The following ADAMTS18 variants were observed in gnomAD, a reference collection of about 807,000 sequenced individuals.
The protein encoded by ADAMTS18 is ADAM metallopeptidase with thrombospondin type 1 motif 18, also known as A disintegrin and metalloproteinase with thrombospondin motifs 18.
Under a neutral mutation model 165.9 loss-of-function variants are expected in ADAMTS18, and 157 were observed. That is an observed-to-expected ratio of 0.95 (90% CI 0.83 to 1.08). The LOEUF (loss-of-function observed/expected upper bound fraction) is 1.08. ADAMTS18 is among the 50% of genes least tolerant of loss of function. The pLI is 0.00. For synonymous variants in ADAMTS18, 782 were observed against 578.2 expected (o/e 1.35, Z -5.06); for missense variants, 2,040 against 1,534.0 (o/e 1.33, Z -5.51).
chr16:77,379,312 C>T (rs187515501), intron 3 of ADAMTS18, among the ~76,000 whole-genome samples: 41 of 152,304 alleles, frequency 2.7e-4, no homozygotes, highest in Middle Eastern at 3.4e-3. Context: ...CAGCAACAAT[C>T]TCTTTTTGGT....
At chr16:77,302,521 T>C (rs1233818632) in intron 16 of ADAMTS18, among the ~76,000 whole-genome samples, 2 of 152,104 alleles carry the variant, frequency 1.3e-5, no homozygotes, top group African/African-American at 4.8e-5. Context: ...ACGCACATAG[T>C]AGGGGCAAGC....
Position 77,431,495 on chromosome 16 carries a change from A to G in ADAMTS18, c.295T>C (p.Tyr99His). Residue 99 changes from tyrosine (Y) to histidine (H), a missense_variant, in exon 3 of 23, where the codon TAC (tyrosine) becomes CAC (histidine). Coordinates refer to ENST00000282849, the MANE Select transcript of ADAMTS18 (RefSeq NM_199355.4). ...TCCTGTCCAAATGCTGAAAATCGGT[A>G]GTGCAGGGAGCTTCTGGCATTCTGC... ...SAQNARSSLH[Y>H]RFSAFGQELH... 6.2e-7 allele frequency: 1 copy of G among 1,614,232 alleles called. No homozygotes were observed. The highest frequency in any genetic ancestry group is 8.5e-7 in the Non-Finnish European group (1 of 1,180,034).
At position 77,359,326 on chromosome 16, in the gene ADAMTS18, T is replaced by C. The variant is rs369226244; in HGVS notation, c.1314A>G (p.Ser438=). The C allele has an allele frequency of 1.4e-4, 219 of 1,613,786 alleles. No homozygotes were observed. The highest frequency in any genetic ancestry group is 1.8e-4 in the Non-Finnish European group (216 of 1,179,944). Residue 438 remains serine (S), a synonymous_variant, in exon 8 of 23, where the codon TCA becomes TCG. Coordinates refer to ENST00000282849, the MANE Select transcript of ADAMTS18 (RefSeq NM_199355.4). ...LGLAFTIAHE[S]GHNFGMIHDG... ...TTCAAAGAGGCACTTACTTGTGCCC[T>C]GACTCATGAGCGATGGTGAAGGCAA... is the stretch of plus-strand genomic sequence containing the variant.
chr16:77,335,037 A>G lies in ADAMTS18; in HGVS notation c.1859+719T>C, dbSNP rs1057380914. ...ATAGTAGTATATATACTATATATTA[A>G]TAGTAATTATATATAATGTAGTATA... On this transcript the variant is annotated intron_variant, in intron 12 of 22. Transcript: ENST00000282849. Among the ~76,000 whole-genome samples the G allele has an allele frequency of 8.9e-5, 13 of 145,592 alleles. No individual in the cohort carries two copies. In the Admixed American group the frequency reaches 9.1e-4, roughly 10 times the overall value.
intron 3 of ADAMTS18, among the ~76,000 whole-genome samples, chr16:77,389,620 G>A (rs750854110): frequency 5.3e-5 from 8 of 152,150 alleles, no homozygotes; most frequent in East Asian, 1.9e-4. Context: ...CAAGACAGCC[G>A]TTTTCTGCCT....
chr16:77,310,556 T>C (rs2055761544), intron 16 of ADAMTS18, among the ~76,000 whole-genome samples: 1 of 152,218 alleles, frequency 6.6e-6, no homozygotes, highest in Non-Finnish European at 1.5e-5. Context: ...GGAATCCACG[T>C]ACCAATGCTT....
chr16:77,392,773 G>A (rs947685500), intron 3 of ADAMTS18, among the ~76,000 whole-genome samples: 2 of 152,112 alleles, frequency 1.3e-5, no homozygotes, highest in Admixed American at 6.5e-5. Flanking sequence ...GCAGATCTCT[G>A]TGCAAAAATA....
chr16:77,348,714 G>C (rs1417999369), intron 10 of ADAMTS18, among the ~76,000 whole-genome samples: 3 of 152,174 alleles, frequency 2.0e-5, no homozygotes, highest in Non-Finnish European at 2.9e-5. Flanking sequence ...AGGCATGGCA[G>C]ATACTCTCTA....
At chr16:77,405,221 C>A (rs1027409664) in intron 3 of ADAMTS18, among the ~76,000 whole-genome samples, 1 of 152,164 alleles carries the variant, frequency 6.6e-6, no homozygotes, top group East Asian at 1.9e-4. Context: ...CATGTCCAGA[C>A]AGGGAGCTCA....
At position 77,411,894 on chromosome 16, in the gene ADAMTS18, G is replaced by C. The variant is rs139105057; in HGVS notation, c.495+19401C>G. Among the ~76,000 whole-genome samples, 702 of 151,654 alleles carry C rather than the reference G, an allele frequency of 4.6e-3. 3 individuals are homozygous for C. The highest frequency in any genetic ancestry group is 6.8e-3 in the Non-Finnish European group (461 of 67,922). On this transcript the variant is annotated intron_variant, in intron 3 of 22. Coordinates refer to ENST00000282849, the MANE Select transcript of ADAMTS18 (RefSeq NM_199355.4). ...AATAGAGACGGGGTTTCACCATGTT[G>C]GCCAGGATGGTCTTGAACTCCTGAC...
At chr16:77,362,641 T>C (rs934175086) in intron 6 of ADAMTS18, among the ~76,000 whole-genome samples, 2 of 152,144 alleles carry the variant, frequency 1.3e-5, no homozygotes, top group Non-Finnish European at 2.9e-5. Context: ...TTTCCATAGA[T>C]GTCAAAATTC....
chr16:77,298,766 TG>T (rs1357219855), intron 17 of ADAMTS18, among the ~76,000 whole-genome samples: 2 of 152,236 alleles, frequency 1.3e-5, no homozygotes, highest in African/African-American at 4.8e-5. Context: ...CATTCCAGCC[TG>T]GGTGACAGAG....
At chr16:77,326,096 C>T in intron 12 of ADAMTS18, 58 bp from the exon 13 acceptor site, 1 of 1,521,036 alleles carries the variant, frequency 6.6e-7, no homozygotes, top group Non-Finnish European at 9.1e-7. Context: ...TTATTAGTCA[C>T]ATGCAATAAT....
At chr16:77,387,660 C>T (rs2057128186) in intron 3 of ADAMTS18, among the ~76,000 whole-genome samples, 1 of 152,174 alleles carries the variant, frequency 6.6e-6, no homozygotes, top group Non-Finnish European at 1.5e-5. Context: ...TTGTCATGAT[C>T]ACATTAAGAA....
Position 77,282,959 on chromosome 16 carries a change from G to GT in ADAMTS18, c.*996dup, listed in dbSNP as rs1454708980. ...GCTCAATCCTAGGGCAAATTTAAAC[G>GT]TATCAGTTGGTAGGAAAAAGCCACA... On this transcript the variant is annotated 3_prime_UTR_variant, in exon 23 of 23. Coordinates refer to ENST00000282849, the MANE Select transcript of ADAMTS18 (RefSeq NM_199355.4). 1 of 119,674 alleles carries GT rather than the reference G, an allele frequency of 8.4e-6. No individual in the cohort carries two copies. Among genetic ancestry groups the GT allele is most frequent in the African/African-American group, 3.2e-5 (1 of 31,182 alleles). 7.4% of individuals were successfully genotyped at this position (119,674 alleles called of 1,614,324 possible). A position where few individuals can be genotyped will look rare whatever the true frequency, so the allele number is the denominator to read the frequency against.
At chr16:77,355,590 G>C (rs987668111) in intron 9 of ADAMTS18, among the ~76,000 whole-genome samples, 1 of 152,134 alleles carries the variant, frequency 6.6e-6, no homozygotes, top group African/African-American at 2.4e-5. Flanking sequence ...AGAGATCCTA[G>C]AGTCAGAACA....
At chr16:77,409,691 G>A (rs561461849) in intron 3 of ADAMTS18, among the ~76,000 whole-genome samples, 1 of 152,076 alleles carries the variant, frequency 6.6e-6, no homozygotes, top group African/African-American at 2.4e-5. Flanking sequence ...CATCAAACAA[G>A]CCTTGTCTTG....
rs2144875583 is a variant in ADAMTS18, at chr16:77,434,586, C to T, written c.90+20G>A. ...CGCCCCCTGCCACCCGCTCTCGGAG[C>T]TCCGCTCGGCGGCACCTGCCTTGGC... On this transcript the variant is annotated intron_variant, in intron 1 of 22. Transcript: ENST00000282849. 6.5e-7 allele frequency: 1 copy of T among 1,528,012 alleles called. No individual in the cohort carries two copies. The highest frequency in any genetic ancestry group is 8.8e-7 in the Non-Finnish European group (1 of 1,142,628). The allele number at this position is 1,528,012 out of a possible 1,614,324, so 94.7% of individuals were successfully genotyped here. A position where few individuals can be genotyped will look rare whatever the true frequency, so the allele number is the denominator to read the frequency against.
chr16:77,390,346 T>C (rs1325279824), intron 3 of ADAMTS18, among the ~76,000 whole-genome samples: 3 of 152,198 alleles, frequency 2.0e-5, no homozygotes, highest in Admixed American at 6.5e-5. Flanking sequence ...TGCAGGTAAC[T>C]GTGTAGATCA....
Sources: allele counts gnomAD v4.1 joint callset (sites outside exome capture counted in the v4.1 genomes callset), GRCh38; gene constraint gnomAD v4.1.1; transcripts MANE v1.5; gene names NCBI Gene and HGNC (gene_info 2026-07-23, HGNC 2026-07-21).